Variants in PCDHA11 observed in about 807,000 individuals in gnomAD.
The protein encoded by PCDHA11 is protocadherin alpha 11.
PCDHA11 carries 61 observed loss-of-function variants against 70.3 expected under a neutral mutation model. The observed-to-expected ratio is 0.87, with a 90% CI of 0.71 to 1.07. The LOEUF is 1.07. Ranked by LOEUF, PCDHA11 falls within the 50% of genes least tolerant of loss-of-function variation. PCDHA11 has a pLI of 0.00. For missense variants in PCDHA11, 1,324 were observed against 1,237.5 expected (o/e 1.07, Z -1.05); for synonymous variants, 633 against 555.1 (o/e 1.14, Z -1.97).
At chr5:140,979,973 A>G (rs782560392) in intron 2 of PCDHA11, among the ~76,000 whole-genome samples, 9 of 152,230 alleles carry the variant, frequency 5.9e-5, no homozygotes, top group Non-Finnish European at 1.0e-4. Context: ...ATTAAAATGC[A>G]TTAGATTGAA....
chr5:140,871,522 A>G (rs1554165699), intron 1 of PCDHA11, 28 bp downstream of exon 1: 1 of 1,549,186 alleles, frequency 6.5e-7, no homozygotes, highest in Non-Finnish European at 8.7e-7. Context: ...TCCACCTATC[A>G]GGAAGTGTAT....
intron 1 of PCDHA11, chr5:140,877,450 A>G (rs1406485859): frequency 1.9e-6 from 3 of 1,613,636 alleles, no homozygotes; most frequent in Non-Finnish European, 2.5e-6. Flanking sequence ...GCCCGCGCTG[A>G]CGTCCACGGC....
intron 1 of PCDHA11, among the ~76,000 whole-genome samples, chr5:140,902,752 C>A (rs782602670): frequency 2.0e-5 from 3 of 148,884 alleles, no homozygotes; most frequent in African/African-American, 7.3e-5. Flanking sequence ...TCCATTATAT[C>A]ATTCTTATGT....
intron 1 of PCDHA11, chr5:140,968,366 G>A (rs145153557): frequency 7.4e-6 from 12 of 1,614,078 alleles, no homozygotes; most frequent in Non-Finnish European, 1.0e-5. Flanking sequence ...CCTTTATGCT[G>A]TCAACTCCTT....
chr5:140,941,199 C>CTCCCT (rs2092799099), intron 1 of PCDHA11, among the ~76,000 whole-genome samples: 1 of 115,882 alleles, frequency 8.6e-6, no homozygotes, highest in South Asian at 2.6e-4. Flanking sequence ...TTTTTTCTTT[C>CTCCCT]TTCCTTTCTT....
chr5:140,952,914 T>C (rs1020868857), intron 1 of PCDHA11, among the ~76,000 whole-genome samples: 1 of 151,982 alleles, frequency 6.6e-6, no homozygotes, highest in South Asian at 2.1e-4. Context: ...TCATCTTACA[T>C]GGCATGAGCA....
At chr5:140,915,638 C>CTCTT (rs1554197009) in intron 1 of PCDHA11, among the ~76,000 whole-genome samples, 3 of 151,724 alleles carry the variant, frequency 2.0e-5, no homozygotes, top group Admixed American at 1.3e-4. Context: ...CTCTCTCTCT[C>CTCTT]TCTCTCTCTC....
In PCDHA11 at chr5:141,009,476, C is replaced by G. The variant is rs970744618; in HGVS notation, c.2540-151C>G. ...TTAAACAAATAAATAAATAAGTAAA[C>G]ACTTGCCTTGCCCTCAGACTTGAAC... On this transcript the variant is annotated intron_variant, in intron 3 of 3. Coordinates refer to ENST00000398640, the MANE Select transcript of PCDHA11 (RefSeq NM_018902.5). 2.3e-5 allele frequency: 32 copies of G among 1,420,036 alleles called. No individual in the cohort carries two copies. The East Asian group carries it at 7.2e-4, about 32-fold the overall frequency. 88.0% of individuals were successfully genotyped at this position (1,420,036 alleles called of 1,614,324 possible).
rs1264007224 is a variant in PCDHA11 at position 140,869,676 on chromosome 5, A to G, written c.573A>G (p.Arg191=). 1 of 1,613,486 alleles carries G rather than the reference A, an allele frequency of 6.2e-7. No individual in the cohort carries two copies. The highest frequency in any genetic ancestry group is 1.3e-5 in the African/African-American group (1 of 75,042). The change falls in exon 1 of 4, where the codon AGA becomes AGG. Residue 191 remains arginine (R), a synonymous_variant. Coordinates refer to ENST00000398640, the MANE Select transcript of PCDHA11 (RefSeq NM_018902.5). The part of the protein sequence containing the change: ...DSPTNGKQIK[R]LSLILKKSLD... ...CAACAAATGGTAAGCAGATTAAAAG[A>G]CTGTCACTTATTTTAAAGAAGTCTC...
chr5:140,967,018 G>T, intron 1 of PCDHA11: 1 of 1,607,168 alleles, frequency 6.2e-7, no homozygotes, highest in Non-Finnish European at 8.5e-7. Context: ...ATCTGGGTGC[G>T]CCCAGTCCGC....
chr5:140,996,412 A>G (rs563756317), intron 3 of PCDHA11, among the ~76,000 whole-genome samples: 1 of 152,332 alleles, frequency 6.6e-6, no homozygotes, highest in Admixed American at 6.5e-5. Context: ...TGGGGCAGGC[A>G]GTGTGAAAAC....
At chr5:140,879,347 T>C (rs530902728) in intron 1 of PCDHA11, among the ~76,000 whole-genome samples, 44 of 152,324 alleles carry the variant, frequency 2.9e-4, no homozygotes, top group African/African-American at 1.0e-3. Context: ...GCTGAGAAGA[T>C]GACATTGCCA....
chr5:140,926,181 C>T (rs1298109352), intron 1 of PCDHA11, among the ~76,000 whole-genome samples: 7 of 151,718 alleles, frequency 4.6e-5, no homozygotes, highest in Admixed American at 2.6e-4. Context: ...GCGGAAAGCC[C>T]CCCGCAGCAC....
chr5:140,902,044 A>AT (rs1222362795), intron 1 of PCDHA11, among the ~76,000 whole-genome samples: 6 of 152,016 alleles, frequency 3.9e-5, no homozygotes, highest in Non-Finnish European at 5.9e-5. Flanking sequence ...TTGTATGTTG[A>AT]TTTTGTATCC....
chr5:140,882,164 C>T (rs2058984922), intron 1 of PCDHA11: 2 of 1,509,832 alleles, frequency 1.3e-6, no homozygotes. Flanking sequence ...ATACCTCTTG[C>T]GAATCCTTCC....
chr5:140,877,544 C>T (rs782624202), intron 1 of PCDHA11: 2 of 1,613,794 alleles, frequency 1.2e-6, no homozygotes, highest in Non-Finnish European at 1.7e-6. Context: ...GATCCCGAAG[C>T]GGCTCTGGTG....
At chr5:140,941,290 T>A (rs1403658442) in intron 1 of PCDHA11, among the ~76,000 whole-genome samples, 1 of 69,836 alleles carries the variant, frequency 1.4e-5, no homozygotes, top group Non-Finnish European at 3.3e-5. Flanking sequence ...TCCTTTCTCT[T>A]TCTTTCTTTC....
chr5:140,873,149 T>C (rs2054128037), intron 1 of PCDHA11, among the ~76,000 whole-genome samples: 1 of 152,218 alleles, frequency 6.6e-6, no homozygotes, highest in Non-Finnish European at 1.5e-5. Flanking sequence ...AGCCTATTCA[T>C]AGACTTTAGA....
intron 1 of PCDHA11, among the ~76,000 whole-genome samples, chr5:140,957,038 C>A (rs534661886): frequency 2.0e-5 from 3 of 151,928 alleles, no homozygotes; most frequent in African/African-American, 7.3e-5. Context: ...TTATGGGAGT[C>A]ATATAAAATA....
Sources: gnomAD v4.1 joint callset for allele counts (sites outside exome capture counted in the v4.1 genomes callset) on GRCh38, gnomAD v4.1.1 for gene constraint, MANE v1.5 for transcripts, NCBI Gene and HGNC (gene_info 2026-07-23, HGNC 2026-07-21) for gene names.